The following CCNY variants were observed in gnomAD, a reference collection of about 807,000 sequenced individuals.
CCNY encodes cyclin-Y.
In CCNY, 19 loss-of-function variants were observed where a neutral mutation model predicts 42.8. The observed-to-expected ratio is 0.44, with a 90% CI of 0.31 to 0.65. CCNY has a LOEUF of 0.65. Among genes scored for constraint, CCNY ranks in the 30% least tolerant of loss-of-function variants. The probability of loss-of-function intolerance (pLI) is 0.07; values close to 1 mark genes in which losing one functional copy is unlikely to be tolerated. For missense variants in CCNY, 370 were observed against 437.3 expected, an observed-to-expected ratio of 0.85 and a Z score of 1.37; for synonymous variants, 165 against 162.7, an observed-to-expected ratio of 1.01 and a Z score of -0.11.
chr10:35,250,149 G>A (rs568926571), intron 2 of CCNY, among the ~76,000 whole-genome samples: 11 of 149,186 alleles, frequency 7.4e-5, no homozygotes, highest in South Asian at 2.1e-4. Flanking sequence ...AGCTAAGATC[G>A]TGCCACTGCA....
chr10:35,289,680 C>T (rs192793288), intron 3 of CCNY, among the ~76,000 whole-genome samples: 1 of 148,572 alleles, frequency 6.7e-6, no homozygotes, highest in Non-Finnish European at 1.5e-5. Context: ...TTGAGACCAG[C>T]CTGGCCAACA....
At chr10:35,537,809 T>C (rs1297511097) in intron 7 of CCNY, among the ~76,000 whole-genome samples, 1 of 152,068 alleles carries the variant, frequency 6.6e-6, no homozygotes, top group South Asian at 2.1e-4. Flanking sequence ...AGATGAGACT[T>C]TGGACTGTGG....
At chr10:35,339,434 C>T (rs1589044497) in intron 1 of CCNY, among the ~76,000 whole-genome samples, 1 of 152,094 alleles carries the variant, frequency 6.6e-6, no homozygotes, top group South Asian at 2.1e-4. Flanking sequence ...TATATATATA[C>T]ACACTATATA....
At chr10:35,494,247 T>A (rs1406211038) in intron 2 of CCNY, among the ~76,000 whole-genome samples, 1 of 77,356 alleles carries the variant, frequency 1.3e-5, no homozygotes, top group South Asian at 5.9e-4. Context: ...CCCCCCCCCA[T>A]TTCTACAAAA....
chr10:35,496,207 G>A (rs191887323), intron 2 of CCNY, among the ~76,000 whole-genome samples: 1 of 152,348 alleles, frequency 6.6e-6, no homozygotes, highest in Non-Finnish European at 1.5e-5. Flanking sequence ...AATCAGTTAA[G>A]TAAATTTTCT....
intron 1 of CCNY, among the ~76,000 whole-genome samples, chr10:35,370,602 T>G (rs1836911566): frequency 6.6e-6 from 1 of 152,026 alleles, no homozygotes; most frequent in Admixed American, 6.5e-5. Flanking sequence ...CTGGCTCTGT[T>G]TTTATTGTGT....
chr10:35,426,105 G>GCACA (rs1356511719), intron 1 of CCNY, among the ~76,000 whole-genome samples: 47 of 58,028 alleles, frequency 8.1e-4, no homozygotes, highest in East Asian at 1.7e-3. Flanking sequence ...CACTGGTCCA[G>GCACA]CACGCGCACA....
Position 35,501,360 on chromosome 10 carries a change from T to C in CCNY, c.230-141T>C. 3 of 694,394 alleles carry C rather than the reference T, an allele frequency of 4.3e-6. No homozygotes were observed. The South Asian group carries it at 4.9e-5, about 11-fold the overall frequency. 43.0% of individuals were successfully genotyped at this position (694,394 alleles called of 1,614,324 possible). ...ATCTGCATTTGTGCAGGTCCTGTAT[T>C]CTTATGTTTGATAAATGAGCAAGTG... On this transcript the variant is annotated intron_variant, in intron 2 of 9. Transcript: ENST00000374704.
At chr10:35,411,512 CAAAAAAAAAAA>C in intron 1 of CCNY, among the ~76,000 whole-genome samples, 1 of 61,396 alleles carries the variant, frequency 1.6e-5, no homozygotes, top group Admixed American at 1.9e-4. Flanking sequence ...AAGACTCTGT[CAAAAAAAAAAA>C]AAAAAAAAAA....
chr10:35,378,089 CATTT>C (rs1837094393), intron 1 of CCNY, among the ~76,000 whole-genome samples: 2 of 152,196 alleles, frequency 1.3e-5, no homozygotes, highest in African/African-American at 4.8e-5. Context: ...AATCTGAAAT[CATTT>C]ATGTTAAAGT....
At chr10:35,330,438 C>T (rs1369328644) in intron 3 of CCNY, among the ~76,000 whole-genome samples, 1 of 152,148 alleles carries the variant, frequency 6.6e-6, no homozygotes, top group Admixed American at 6.5e-5. Context: ...CATGATAGCC[C>T]CACAGGTCTT....
At chr10:35,429,754 T>A (rs553940442) in intron 1 of CCNY, among the ~76,000 whole-genome samples, 28 of 152,336 alleles carry the variant, frequency 1.8e-4, no homozygotes, top group African/African-American at 6.3e-4. Flanking sequence ...TCTAGGTATG[T>A]GGCCATGTAT....
intron 1 of CCNY, among the ~76,000 whole-genome samples, chr10:35,376,501 A>G (rs1464509278): frequency 1.3e-5 from 2 of 152,230 alleles, no homozygotes; most frequent in African/African-American, 4.8e-5. Context: ...ATCCAAAATC[A>G]GAAATGCTCC....
At position 35,569,970 on chromosome 10, in the gene CCNY, A is replaced by C. The variant is rs1237959691; in HGVS notation, c.*800A>C. 2 of 152,324 alleles carry C rather than the reference A, an allele frequency of 1.3e-5. No homozygotes were observed. The highest frequency in any genetic ancestry group is 4.9e-5 in the African/African-American group (2 of 41,220). 9.4% of individuals were successfully genotyped at this position (152,324 alleles called of 1,614,324 possible). On this transcript the variant is annotated 3_prime_UTR_variant, in exon 10 of 10. Transcript: ENST00000374704. ...TTGCATTTGTTTTTTTCCTGACCTG[A>C]AGTTGTTGTTACAAAATCAGTCAGA... is the stretch of plus-strand genomic sequence containing the variant.
intron 5 of CCNY, among the ~76,000 whole-genome samples, chr10:35,526,265 A>AT (rs1356224314): frequency 6.6e-6 from 1 of 152,076 alleles, no homozygotes; most frequent in Non-Finnish European, 1.5e-5. Context: ...TTTCTTCTTT[A>AT]TTTTCTGAAA....
intron 1 of CCNY, among the ~76,000 whole-genome samples, chr10:35,434,420 A>G (rs1838481370): frequency 1.3e-5 from 2 of 152,184 alleles, no homozygotes; most frequent in Non-Finnish European, 2.9e-5. Flanking sequence ...GAGCCTGGCT[A>G]TGGACAGGAG....
chr10:35,352,806 G>A (rs985641884), intron 1 of CCNY, among the ~76,000 whole-genome samples: 3 of 152,234 alleles, frequency 2.0e-5, no homozygotes, highest in African/African-American at 7.2e-5. Flanking sequence ...CCTGATTAGT[G>A]AGGGGAAAGA....
At chr10:35,415,784 G>C (rs1205951341) in intron 1 of CCNY, among the ~76,000 whole-genome samples, 2 of 152,230 alleles carry the variant, frequency 1.3e-5, no homozygotes, top group Non-Finnish European at 2.9e-5. Context: ...GAATTGGGCT[G>C]CTTACTTCCA....
chr10:35,369,070 G>A (rs1477437585), intron 1 of CCNY, among the ~76,000 whole-genome samples: 1 of 152,166 alleles, frequency 6.6e-6, no homozygotes, highest in Non-Finnish European at 1.5e-5. Flanking sequence ...GATCTGTCCT[G>A]CTTGCTCTGT....
Sources: gnomAD v4.1 joint callset for allele counts (sites outside exome capture counted in the v4.1 genomes callset) on GRCh38, gnomAD v4.1.1 for gene constraint, MANE v1.5 for transcripts, NCBI Gene and HGNC (gene_info 2026-07-23, HGNC 2026-07-21) for gene names.